The following SLCO6A1 variants were observed in gnomAD, a reference collection of about 807,000 sequenced individuals.
The protein encoded by SLCO6A1 is solute carrier organic anion transporter family member 6A1, also known as cancer/testis antigen 48.
A neutral mutation model predicts 72.7 loss-of-function variants in SLCO6A1; 65 were observed. The observed-to-expected ratio is 0.89, with a 90% confidence interval of 0.73 to 1.10. The LOEUF (loss-of-function observed/expected upper bound fraction) is 1.10, where lower values mean the gene tolerates loss of function less well. SLCO6A1 is among the 50% of genes least tolerant of loss of function. The probability of loss-of-function intolerance (pLI) is 0.00; values close to 1 mark genes in which losing one functional copy is unlikely to be tolerated. For synonymous variants in SLCO6A1, 314 were observed against 298.2 expected (o/e 1.05, Z -0.55); for missense variants, 874 against 872.6 (o/e 1.00, Z -0.02).
At chr5:102,421,715 C>T (rs1748618010) in intron 7 of SLCO6A1, among the ~76,000 whole-genome samples, 1 of 152,158 alleles carries the variant, frequency 6.6e-6, no homozygotes, top group Admixed American at 6.5e-5. Context: ...CTAAACATTC[C>T]TGCCTGCTGC....
chr5:102,421,422 C>G (rs1299690259), intron 7 of SLCO6A1, among the ~76,000 whole-genome samples: 1 of 152,126 alleles, frequency 6.6e-6, no homozygotes, highest in Non-Finnish European at 1.5e-5. Context: ...CTAAGATGCT[C>G]GAGCTTGGTG....
intron 1 of SLCO6A1, among the ~76,000 whole-genome samples, chr5:102,491,090 A>G (rs960024594): frequency 6.6e-6 from 1 of 152,088 alleles, no homozygotes; most frequent in Admixed American, 6.5e-5. Context: ...TCCCCACTAG[A>G]TTAGCTAGAT....
intron 1 of SLCO6A1, among the ~76,000 whole-genome samples, chr5:102,490,893 T>G (rs1405665435): frequency 6.6e-6 from 1 of 152,042 alleles, no homozygotes; most frequent in Non-Finnish European, 1.5e-5. Flanking sequence ...GAACAAAGCT[T>G]CCACAGTGTG....
intron 11 of SLCO6A1, among the ~76,000 whole-genome samples, chr5:102,390,102 A>G (rs1465096317): frequency 2.6e-5 from 4 of 152,128 alleles, no homozygotes; most frequent in Admixed American, 2.6e-4. Context: ...ATTATCTGGC[A>G]GAAAAACCCT....
At chr5:102,471,851 C>T (rs142565289) in intron 4 of SLCO6A1, among the ~76,000 whole-genome samples, 1 of 151,938 alleles carries the variant, frequency 6.6e-6, no homozygotes, top group Non-Finnish European at 1.5e-5. Context: ...TAACAAGGCA[C>T]AGTATAACAT....
At chr5:102,451,683 A>G (rs1287683685) in intron 6 of SLCO6A1, among the ~76,000 whole-genome samples, 1 of 152,140 alleles carries the variant, frequency 6.6e-6, no homozygotes, top group African/African-American at 2.4e-5. Context: ...GGAGCCTACC[A>G]TGGTTCTATA....
chr5:102,492,480 T>C (rs1007904001), intron 1 of SLCO6A1, among the ~76,000 whole-genome samples: 2 of 152,046 alleles, frequency 1.3e-5, no homozygotes, highest in Non-Finnish European at 2.9e-5. Flanking sequence ...AGACAGGTGA[T>C]TTCTGCATTT....
At chr5:102,473,731 C>T (rs1751747800) in intron 4 of SLCO6A1, among the ~76,000 whole-genome samples, 1 of 152,024 alleles carries the variant, frequency 6.6e-6, no homozygotes, top group South Asian at 2.1e-4. Context: ...ATCATACATA[C>T]TTGCATACAC....
intron 9 of SLCO6A1, among the ~76,000 whole-genome samples, chr5:102,408,578 A>G (rs2112574664): frequency 6.6e-6 from 1 of 152,240 alleles, no homozygotes; most frequent in Non-Finnish European, 1.5e-5. Flanking sequence ...TATCTTTTAA[A>G]TGTTGGTGGT....
intron 10 of SLCO6A1, among the ~76,000 whole-genome samples, chr5:102,397,454 C>A (rs975727541): frequency 6.6e-6 from 1 of 152,096 alleles, no homozygotes; most frequent in Admixed American, 6.6e-5. Flanking sequence ...TTACTGCCAG[C>A]CCAGGGTTTT....
intron 12 of SLCO6A1, among the ~76,000 whole-genome samples, chr5:102,374,408 C>A (rs1291823820): frequency 1.3e-5 from 2 of 152,136 alleles, no homozygotes; most frequent in Non-Finnish European, 2.9e-5. Flanking sequence ...TCAAGTGATT[C>A]TCTGGCCTCA....
chr5:102,490,540 A>C (rs561171314), intron 1 of SLCO6A1, among the ~76,000 whole-genome samples: 24 of 152,300 alleles, frequency 1.6e-4, no homozygotes, highest in African/African-American at 5.5e-4. Context: ...TCTTGGTCTC[A>C]CTGACTACAA....
chr5:102,414,359 A>C (rs1392075235), intron 8 of SLCO6A1, among the ~76,000 whole-genome samples: 1 of 152,188 alleles, frequency 6.6e-6, no homozygotes, highest in Middle Eastern at 3.2e-3. Flanking sequence ...TCCTATTCAA[A>C]ATAGTACTGG....
chr5:102,426,881 A>G (rs779600967), intron 7 of SLCO6A1, among the ~76,000 whole-genome samples: 1 of 152,200 alleles, frequency 6.6e-6, no homozygotes, highest in Non-Finnish European at 1.5e-5. Flanking sequence ...ATGCCCATTC[A>G]TGATAGACGG....
intron 12 of SLCO6A1, among the ~76,000 whole-genome samples, chr5:102,374,045 T>C (rs928250363): frequency 6.6e-6 from 1 of 151,738 alleles, no homozygotes; most frequent in African/African-American, 2.4e-5. Flanking sequence ...ATTCTTTTTT[T>C]TTTTTCTTTT....
chr5:102,403,311 T>C (rs1316291079), intron 9 of SLCO6A1, among the ~76,000 whole-genome samples: 1 of 152,104 alleles, frequency 6.6e-6, no homozygotes, highest in Non-Finnish European at 1.5e-5. Context: ...TACCAGAGCA[T>C]AGTAATGGTA....
Position 102,438,732 on chromosome 5 carries a change from G to T in SLCO6A1, c.1161C>A (p.Cys387Ter). 2 of 1,569,952 alleles carry T rather than the reference G, an allele frequency of 1.3e-6. No homozygotes were observed. Among genetic ancestry groups the T allele is most frequent in the South Asian group, 2.5e-5 (2 of 81,432 alleles). Residue 387 changes from cysteine (C) to a stop codon, truncating the protein, a stop_gained, in exon 7 of 14, where the codon TGC becomes TGA. Transcript: ENST00000506729. LOFTEE classifies it high-confidence loss of function. ...WILMKNPVLI[C>*]LALSKATEYL... The stretch of plus-strand genomic sequence containing the variant: ...ATTCTGTAGCTTTTGACAGAGCTAG[G>T]CATATGAGCACTGGATTCTTCATCA...
At chr5:102,373,275 ATTACT>A (rs952118393) in intron 13 of SLCO6A1, 57 bp downstream of exon 13, 3 of 1,054,208 alleles carry the variant, frequency 2.8e-6, no homozygotes, top group Non-Finnish European at 3.7e-6. Flanking sequence ...TTACATTATT[ATTACT>A]TTAAATTTTA....
intron 7 of SLCO6A1, among the ~76,000 whole-genome samples, chr5:102,427,619 C>A (rs1490351193): frequency 6.6e-6 from 1 of 151,578 alleles, no homozygotes; most frequent in South Asian, 2.1e-4. Flanking sequence ...AGAGACATGA[C>A]AACTAAATAT....
Sources: allele counts gnomAD v4.1 joint callset (sites outside exome capture counted in the v4.1 genomes callset), GRCh38; gene constraint gnomAD v4.1.1; transcripts MANE v1.5; gene names NCBI Gene and HGNC (gene_info 2026-07-23, HGNC 2026-07-21).